The following ZFC3H1 variants were observed in gnomAD, a reference collection of about 807,000 sequenced individuals.
ZFC3H1 encodes zinc finger C3H1-type containing.
In ZFC3H1, 71 loss-of-function variants were observed where a neutral mutation model predicts 243.7. The observed-to-expected ratio is 0.29, with a 90% CI of 0.24 to 0.36. The LOEUF (loss-of-function observed/expected upper bound fraction) is 0.36. Ranked by LOEUF, ZFC3H1 falls within the 10% of genes least tolerant of loss-of-function variation. The pLI, the probability that ZFC3H1 is intolerant of heterozygous loss-of-function variation, is 1.00. For synonymous variants in ZFC3H1, 838 were observed against 813.0 expected, an observed-to-expected ratio of 1.03 and a Z score of -0.52; for missense variants, 1,966 against 2,317.1, an observed-to-expected ratio of 0.85 and a Z score of 3.11.
chr12:71,623,659 AT>A, intron 23 of ZFC3H1, 62 bp from the exon 24 acceptor site: 2 of 1,169,928 alleles, frequency 1.7e-6, no homozygotes, highest in Non-Finnish European at 2.4e-6. Flanking sequence ...GATTAACATA[AT>A]TTTTACTATG....
chr12:71,646,130 C>A (rs377164991), intron 3 of ZFC3H1, among the ~76,000 whole-genome samples: 2 of 152,318 alleles, frequency 1.3e-5, no homozygotes, highest in African/African-American at 2.4e-5. Context: ...TGGATACTAA[C>A]TAATGATTTC....
rs1490770147 is a variant in ZFC3H1, at chr12:71,629,648, C to G, written c.3787G>C (p.Val1263Leu). ...KDRMSMDQMAVLLVSNINESK... is the reference protein window; with the variant it reads ...KDRMSMDQMALLLVSNINESK... Reference sequence around the variant, plus strand: ...TCATTGATATTGCTAACAAGGAGAACAGCCATCTGGTCCATTGACATTCGA... The same window carrying G: ...TCATTGATATTGCTAACAAGGAGAAGAGCCATCTGGTCCATTGACATTCGA... Residue 1263 changes from valine (V) to leucine (L), a missense_variant, in exon 19 of 35, where the codon GTT becomes CTT. Physicochemically the swap from Val to Leu is conservative, Grantham distance 32. This residue lies in a region of ZFC3H1 where 1,383 missense variants were observed against 1,723.7 expected (regional missense o/e 0.80). Transcript: ENST00000378743. 1 of 1,612,336 alleles carries G rather than the reference C, an allele frequency of 6.2e-7. No individual in the cohort carries two copies. The highest frequency in any genetic ancestry group is 1.1e-5 in the South Asian group (1 of 91,030).
chr12:71,663,371 C>T lies in ZFC3H1; in HGVS notation c.240G>A (p.Gln80=), dbSNP rs1320021406. The change falls in exon 1 of 35, where the codon CAG becomes CAA. Residue 80 remains glutamine, a synonymous_variant. Transcript: ENST00000378743. ...GGSSSSSSSS[Q]QQLRNFSRSR... ...AGCGTGAGAAATTCCTCAGCTGCTG[C>T]TGAGAAGAGGACGATGACGAGGAAG... The T allele has an allele frequency of 6.2e-7, 1 of 1,612,836 alleles. No individual in the cohort carries two copies. Among genetic ancestry groups the T allele is most frequent in the Non-Finnish European group, 8.5e-7 (1 of 1,180,036 alleles).
At chr12:71,653,745 G>A (rs553543647) in intron 2 of ZFC3H1, among the ~76,000 whole-genome samples, 1 of 152,250 alleles carries the variant, frequency 6.6e-6, no homozygotes, top group Non-Finnish European at 1.5e-5. Flanking sequence ...GCTGGGTGTG[G>A]TGGCTCATGC....
intron 3 of ZFC3H1, among the ~76,000 whole-genome samples, chr12:71,646,242 C>T (rs936174130): frequency 6.6e-5 from 10 of 152,130 alleles, no homozygotes; most frequent in African/African-American, 2.2e-4. Context: ...TTGGTAAGTA[C>T]ATGTAAGCAA....
intron 31 of ZFC3H1, among the ~76,000 whole-genome samples, chr12:71,613,029 A>G (rs955276119): frequency 6.6e-6 from 1 of 152,210 alleles, no homozygotes; most frequent in African/African-American, 2.4e-5. Flanking sequence ...GTGGAAAACA[A>G]GCTTACTGCT....
chr12:71,615,383 T>G (rs1879870725), intron 27 of ZFC3H1, 67 bp from the exon 28 acceptor site: 2 of 1,036,518 alleles, frequency 1.9e-6, no homozygotes, highest in Non-Finnish European at 2.9e-6. Flanking sequence ...ACACATATTT[T>G]TTAAAATCGT....
At chr12:71,631,084 A>C in intron 16 of ZFC3H1, 130 bp from the exon 17 acceptor site, 2 of 921,314 alleles carry the variant, frequency 2.2e-6, no homozygotes. Flanking sequence ...TATCTAATTA[A>C]ATTAATGCCA....
intron 27 of ZFC3H1, among the ~76,000 whole-genome samples, chr12:71,617,627 A>G (rs947649483): frequency 2.0e-5 from 3 of 152,224 alleles, no homozygotes; most frequent in Admixed American, 2.0e-4. Context: ...GCAAGTCTCT[A>G]AAGAGTTTGG....
At chr12:71,638,076 T>G (rs1222794697) in intron 7 of ZFC3H1, among the ~76,000 whole-genome samples, 4 of 152,130 alleles carry the variant, frequency 2.6e-5, no homozygotes, top group Non-Finnish European at 5.9e-5. Flanking sequence ...TCCTAATGCA[T>G]GTAAATTCCA....
intron 13 of ZFC3H1, 73 bp downstream of exon 13, chr12:71,633,191 G>GCTTTAGTATACATATTTTGCTGGCT: frequency 1.4e-6 from 2 of 1,461,244 alleles, no homozygotes; most frequent in Non-Finnish European, 1.8e-6. Context: ...GTATACAGTG[G>GCTTTAGTATACATATTTTGCTGGCT]TTTGTCTTAC....
chr12:71,630,698 A>G lies in ZFC3H1; in HGVS notation c.3626T>C (p.Leu1209Pro). The change falls in exon 18 of 35, where the codon CTT (leucine) becomes CCT (proline). Residue 1209 changes from leucine to proline, a missense_variant. Physicochemically the swap from Leu to Pro is moderately conservative, Grantham distance 98. This residue lies in a region of ZFC3H1 where 1,383 missense variants were observed against 1,723.7 expected (regional missense o/e 0.80). Coordinates refer to ENST00000378743, the MANE Select transcript of ZFC3H1 (RefSeq NM_144982.5). Reference protein sequence around the residue: ...CQWQHIQDYTLSRKQLFQDIL... With the variant: ...CQWQHIQDYTPSRKQLFQDIL... ...GTCCTGGAATAACTGTTTTCGGCTA[A>G]GTGTATAGTCTTGTATATGCTGCCT... The G allele has an allele frequency of 6.2e-7, 1 of 1,613,488 alleles. No homozygotes were observed. The highest frequency in any genetic ancestry group is 8.5e-7 in the Non-Finnish European group (1 of 1,179,730).
At position 71,634,173 on chromosome 12, in the gene ZFC3H1, G is replaced by A; in HGVS notation, c.2492C>T (p.Ser831Leu). 6.2e-7 allele frequency: 1 copy of A among 1,608,224 alleles called. No individual in the cohort carries two copies. The change falls in exon 12 of 35, where the codon TCA becomes TTA. Residue 831 changes from serine to leucine, a missense_variant. Coordinates refer to ENST00000378743, the MANE Select transcript of ZFC3H1 (RefSeq NM_144982.5). ...GGCTCACCTATGTTTTTTCAGTTTT[G>A]ATTCTGCATCTGTAACCTGCTTAGT... ...MVTKQVTDAESKLKKHRILLM... is the reference protein window; with the variant it reads ...MVTKQVTDAELKLKKHRILLM...
At chr12:71,615,174 T>C (rs370857421) in intron 28 of ZFC3H1, 32 bp downstream of exon 28, 3 of 1,491,036 alleles carry the variant, frequency 2.0e-6, no homozygotes, top group Non-Finnish European at 2.8e-6. Context: ...GCAGGCCTAG[T>C]ATGCAATATC....
chr12:71,657,997 G>GAA (rs757049825), intron 1 of ZFC3H1, among the ~76,000 whole-genome samples: 4 of 135,166 alleles, frequency 3.0e-5, no homozygotes, highest in Admixed American at 7.4e-5. Flanking sequence ...TCAAAAAAAA[G>GAA]AAAAAAAAAA....
rs1297805071 is a variant in ZFC3H1 at position 71,631,980 on chromosome 12, G to A, written c.3352C>T (p.His1118Tyr). 6.3e-7 allele frequency: 1 copy of A among 1,599,414 alleles called. No individual in the cohort carries two copies. The highest frequency in any genetic ancestry group is 1.8e-5 in the Admixed American group (1 of 56,950). ...TTTGITEKVL[H>Y]GQEISVDVDF... ...ATGAAATGTTCAGTTACCTGACCAT[G>A]CAAAACCTTCTCTGTAATGCCTGTG... The change falls in exon 15 of 35, where the codon CAT (histidine) becomes TAT (tyrosine). Residue 1118 changes from histidine (H) to tyrosine (Y), a missense_variant. By Grantham distance (83) the His-to-Tyr change is moderately conservative. Coordinates refer to ENST00000378743, the MANE Select transcript of ZFC3H1 (RefSeq NM_144982.5).
intron 24 of ZFC3H1, among the ~76,000 whole-genome samples, chr12:71,622,948 A>C (rs1880069525): frequency 6.6e-6 from 1 of 152,130 alleles, no homozygotes. Flanking sequence ...ATAGAGAAGC[A>C]ACCAAACTCA....
At position 71,632,594 on chromosome 12, in the gene ZFC3H1, C is replaced by T. The variant is rs978240434; in HGVS notation, c.2818-80G>A. ...TTTTGGTAAGATAATTGTGCTATCC[C>T]CACCATACAATGCCAACATTATAAA... On this transcript the variant is annotated intron_variant, in intron 14 of 34. Transcript: ENST00000378743. 4.8e-6 allele frequency: 7 copies of T among 1,444,256 alleles called. No homozygotes were observed. In the East Asian group the frequency reaches 9.2e-5, roughly 19 times the overall value. The allele number at this position is 1,444,256 out of a possible 1,614,324, so 89.5% of individuals were successfully genotyped here. A position where few individuals can be genotyped will look rare whatever the true frequency, so the allele number is the denominator to read the frequency against.
At chr12:71,617,636 G>C (rs984455705) in intron 27 of ZFC3H1, among the ~76,000 whole-genome samples, 1 of 152,178 alleles carries the variant, frequency 6.6e-6, no homozygotes, top group Admixed American at 6.5e-5. Flanking sequence ...TAAAGAGTTT[G>C]GTTCAGCCTT....
Sources: gnomAD v4.1 joint callset for allele counts (sites outside exome capture counted in the v4.1 genomes callset) on GRCh38, gnomAD v4.1.1 for gene constraint, gnomAD v4.1.1 regional missense constraint, MANE v1.5 for transcripts, NCBI Gene and HGNC (gene_info 2026-07-23, HGNC 2026-07-21) for gene names.